The following CPHXL2 variants were observed in gnomAD, a reference collection of about 807,000 sequenced individuals.
CPHXL2 encodes cytoplasmic polyadenylated homeobox-like protein 2.
chr16:75,667,986 C>T, the CPHXL2 span, among the ~76,000 whole-genome samples: 6 of 152,110 alleles, frequency 3.9e-5, no homozygotes, highest in Non-Finnish European at 5.9e-5. Context: ...CAAACATCTA[C>T]AGTCTCATTA....
chr16:75,660,708 C>T, the CPHXL2 span: 1 of 398,550 alleles, frequency 2.5e-6, no homozygotes, highest in African/African-American at 2.1e-5. Flanking sequence ...AAGGAAGGGA[C>T]TTGCATGCTG....
the CPHXL2 span, among the ~76,000 whole-genome samples, chr16:75,673,996 A>AT: frequency 6.8e-6 from 1 of 146,772 alleles, no homozygotes; most frequent in Non-Finnish European, 1.5e-5. Context: ...AAAAAAAAAG[A>AT]TAAAAAAAAA....
the CPHXL2 span, among the ~76,000 whole-genome samples, chr16:75,673,029 C>T: frequency 1.4e-5 from 2 of 145,190 alleles, no homozygotes; most frequent in Admixed American, 1.5e-4. Context: ...GAGCCGTGCA[C>T]GTGCCACTGC....
chr16:75,661,869 A>G, the CPHXL2 span, among the ~76,000 whole-genome samples: 1 of 152,220 alleles, frequency 6.6e-6, no homozygotes, highest in Non-Finnish European at 1.5e-5. Context: ...CAACAGTCAC[A>G]GAAAGACTAC....
the CPHXL2 span, among the ~76,000 whole-genome samples, chr16:75,674,141 A>G: frequency 3.3e-5 from 5 of 151,754 alleles, no homozygotes; most frequent in African/African-American, 9.7e-5. Flanking sequence ...TGGGAGGCCA[A>G]GGGGGGTGGA....
At chr16:75,675,826 C>T in the CPHXL2 span, among the ~76,000 whole-genome samples, 2 of 152,144 alleles carry the variant, frequency 1.3e-5, no homozygotes, top group African/African-American at 4.8e-5. Context: ...CACCTGTAAT[C>T]CCAGCACTTT....
chr16:75,673,023 C>T, the CPHXL2 span, among the ~76,000 whole-genome samples: 4 of 144,706 alleles, frequency 2.8e-5, no homozygotes, highest in African/African-American at 5.2e-5. Context: ...TGCAGTGAGC[C>T]GTGCACGTGC....
At chr16:75,662,317 T>C in the CPHXL2 span, among the ~76,000 whole-genome samples, 6,241 of 150,288 alleles carry the variant, frequency 0.042, 150 homozygotes, top group African/African-American at 0.051. Context: ...TTTTTTTTTT[T>C]CCCTTTTTCT....
the CPHXL2 span, among the ~76,000 whole-genome samples, chr16:75,666,037 C>T: frequency 6.6e-6 from 1 of 152,144 alleles, no homozygotes; most frequent in East Asian, 1.9e-4. Flanking sequence ...CTTCAAGAGA[C>T]TCACCTAACA....
the CPHXL2 span, among the ~76,000 whole-genome samples, chr16:75,676,757 A>T: frequency 1.3e-5 from 2 of 152,200 alleles, no homozygotes; most frequent in African/African-American, 4.8e-5. Context: ...TGTCTGTCTA[A>T]AAACTAAAGA....
the CPHXL2 span, among the ~76,000 whole-genome samples, chr16:75,665,925 C>T: frequency 2.0e-5 from 3 of 152,308 alleles, no homozygotes; most frequent in African/African-American, 7.2e-5. Context: ...AATAGTACCT[C>T]ACATCTCAAT....
At chr16:75,664,305 T>A in the CPHXL2 span, among the ~76,000 whole-genome samples, 3 of 152,166 alleles carry the variant, frequency 2.0e-5, no homozygotes, top group Non-Finnish European at 4.4e-5. Context: ...TTGATTAAGA[T>A]CTGTCTCAGA....
the CPHXL2 span, among the ~76,000 whole-genome samples, chr16:75,661,891 G>T: frequency 1.3e-5 from 2 of 152,150 alleles, no homozygotes; most frequent in Admixed American, 6.5e-5. Context: ...GTGAGCAAAT[G>T]TGTTTCCCCA....
At chr16:75,668,887 T>A in the CPHXL2 span, among the ~76,000 whole-genome samples, 1 of 152,228 alleles carries the variant, frequency 6.6e-6, no homozygotes. Flanking sequence ...TCCGTGCATG[T>A]GGAACCAGTG....
the CPHXL2 span, among the ~76,000 whole-genome samples, chr16:75,672,214 G>C: frequency 1.3e-5 from 2 of 151,148 alleles, no homozygotes; most frequent in Non-Finnish European, 2.9e-5. Context: ...GGGAGGCGGA[G>C]ATTTTAGTGA....
the CPHXL2 span, among the ~76,000 whole-genome samples, chr16:75,673,888 G>A: frequency 6.6e-6 from 1 of 151,656 alleles, no homozygotes; most frequent in African/African-American, 2.4e-5. Context: ...GCTGAGGTTG[G>A]AGGATCACTT....
At chr16:75,671,169 G>A in the CPHXL2 span, among the ~76,000 whole-genome samples, 1 of 152,068 alleles carries the variant, frequency 6.6e-6, no homozygotes, top group Non-Finnish European at 1.5e-5. Context: ...GATAACTTGA[G>A]GTCAGGAGTT....
At chr16:75,670,611 C>G in the CPHXL2 span, among the ~76,000 whole-genome samples, 1 of 152,114 alleles carries the variant, frequency 6.6e-6, no homozygotes, top group African/African-American at 2.4e-5. Context: ...TGGGTTCAAG[C>G]GATTCTTGCG....
chr16:75,675,304 G>T, the CPHXL2 span, among the ~76,000 whole-genome samples: 1 of 151,244 alleles, frequency 6.6e-6, no homozygotes, highest in African/African-American at 2.4e-5. Flanking sequence ...ACAGGTGTGA[G>T]CCACCGTGCC....
Sources: allele counts gnomAD v4.1 joint callset (sites outside exome capture counted in the v4.1 genomes callset), GRCh38; gene constraint gnomAD v4.1.1; transcripts MANE v1.5; gene names NCBI Gene and HGNC (gene_info 2026-07-23, HGNC 2026-07-21).